LTBP1: variants seen among roughly 807,000 people sequenced by gnomAD.
The protein encoded by LTBP1 is latent transforming growth factor beta binding protein 1.
LTBP1 carries 129 observed loss-of-function variants against 207.6 expected under a neutral mutation model. That is an observed-to-expected ratio of 0.62 (90% CI 0.54 to 0.72). LTBP1 has a LOEUF of 0.72. Ranked by LOEUF, LTBP1 falls within the 30% of genes least tolerant of loss-of-function variation. LTBP1 has a pLI of 0.00. For synonymous variants in LTBP1, 963 were observed against 833.7 expected (o/e 1.16, Z -2.67); for missense variants, 2,281 against 2,217.2 (o/e 1.03, Z -0.58).
chr2:33,036,041 T>G (rs1350377724), intron 3 of LTBP1, among the ~76,000 whole-genome samples: 1 of 152,256 alleles, frequency 6.6e-6, no homozygotes, highest in Non-Finnish European at 1.5e-5. Context: ...CTGTTTAGTT[T>G]TTGACTTTTA....
In LTBP1 at chr2:33,010,086, C is replaced by T. The variant is rs193297842; in HGVS notation, c.566-10823C>T. On this transcript the variant is annotated intron_variant, in intron 2 of 33. Transcript: ENST00000404816. ...GTGAAGTGGGAGAAGGCTGGCAGGG[C>T]GTGGTGGCTCAGCAGCCATGGGGGG... 4.5e-4 allele frequency among the ~76,000 whole-genome samples: 68 copies of T among 152,036 alleles called. No homozygotes were observed. In the East Asian group the frequency reaches 9.5e-3, roughly 21 times the overall value.
At chr2:33,047,861 C>T (rs141675349) in intron 3 of LTBP1, among the ~76,000 whole-genome samples, 14,323 of 152,068 alleles carry the variant, frequency 0.094, 898 homozygotes, top group Non-Finnish European at 0.14. Flanking sequence ...CCCTTTACCA[C>T]TATGTAATGC....
intron 3 of LTBP1, among the ~76,000 whole-genome samples, chr2:33,053,760 T>G (rs2076858117): frequency 1.3e-5 from 2 of 152,242 alleles, no homozygotes; most frequent in African/African-American, 4.8e-5. Context: ...TTTGACCTGC[T>G]GTAGGCAAAG....
intron 2 of LTBP1, 23 bp from the exon 3 acceptor site, chr2:33,020,886 T>A: frequency 6.4e-7 from 1 of 1,550,724 alleles, no homozygotes; most frequent in Non-Finnish European, 8.7e-7. Flanking sequence ...TTCAAAGCTG[T>A]GCCTTCTGTT....
intron 5 of LTBP1, among the ~76,000 whole-genome samples, chr2:33,136,446 A>T (rs138974374): frequency 3.0e-4 from 46 of 152,290 alleles, no homozygotes; most frequent in African/African-American, 1.1e-3. Flanking sequence ...CATCTCTAAG[A>T]TCATATGACT....
intron 18 of LTBP1, among the ~76,000 whole-genome samples, chr2:33,279,444 A>G (rs1214727702): frequency 2.0e-5 from 3 of 152,152 alleles, no homozygotes; most frequent in Admixed American, 6.5e-5. Flanking sequence ...AAATATTACC[A>G]TATGGTCATA....
At chr2:33,209,460 G>A (rs1300133347) in intron 7 of LTBP1, among the ~76,000 whole-genome samples, 4 of 152,080 alleles carry the variant, frequency 2.6e-5, no homozygotes, top group Non-Finnish European at 4.4e-5. Flanking sequence ...ATCATCTGCC[G>A]CTTGAACGTC....
intron 2 of LTBP1, among the ~76,000 whole-genome samples, chr2:32,968,760 G>A (rs1680369545): frequency 7.6e-6 from 1 of 131,112 alleles, no homozygotes; most frequent in Admixed American, 8.1e-5. Flanking sequence ...GTCTTGCTCT[G>A]TTGCCCAGGC....
intron 2 of LTBP1, among the ~76,000 whole-genome samples, chr2:32,957,561 C>G (rs577197588): frequency 2.0e-5 from 3 of 152,118 alleles, no homozygotes; most frequent in South Asian, 4.2e-4. Flanking sequence ...TTTGTGGTGC[C>G]CCAAAACAAT....
chr2:33,162,806 T>C (rs913940120), intron 5 of LTBP1, among the ~76,000 whole-genome samples: 3 of 152,216 alleles, frequency 2.0e-5, no homozygotes, highest in Non-Finnish European at 4.4e-5. Flanking sequence ...AATTGAATTT[T>C]GTAGGAAGGG....
At chr2:33,184,918 C>A (rs1041013120) in intron 5 of LTBP1, among the ~76,000 whole-genome samples, 3 of 151,834 alleles carry the variant, frequency 2.0e-5, no homozygotes, top group Non-Finnish European at 2.9e-5. Flanking sequence ...AGTTGTAATG[C>A]CATAAGATGC....
At chr2:33,081,750 G>A (rs920388847) in intron 3 of LTBP1, among the ~76,000 whole-genome samples, 1 of 152,146 alleles carries the variant, frequency 6.6e-6, no homozygotes, top group African/African-American at 2.4e-5. Flanking sequence ...TATGTCGTGG[G>A]AGGGACCCGG....
rs528813308 is a variant in LTBP1, at chr2:33,280,992, G to C, written c.3112+834G>C. Among the ~76,000 whole-genome samples the C allele has an allele frequency of 2.6e-5, 4 of 152,242 alleles. No individual in the cohort carries two copies. The East Asian group carries it at 7.7e-4, about 29-fold the overall frequency. On this transcript the variant is annotated intron_variant, in intron 19 of 33. Transcript: ENST00000404816. Reference sequence around the variant, plus strand: ...AGGCTGAGGTGGGAGGATCGCTTGAGTCCAGGAGTTCAAGGTTTCAGTGAG... The same window carrying C: ...AGGCTGAGGTGGGAGGATCGCTTGACTCCAGGAGTTCAAGGTTTCAGTGAG...
At chr2:33,263,777 C>T (rs1164674250) in intron 15 of LTBP1, among the ~76,000 whole-genome samples, 2 of 151,386 alleles carry the variant, frequency 1.3e-5, no homozygotes, top group African/African-American at 4.9e-5. Context: ...CATGGCGAAA[C>T]CCCGTCTCTA....
chr2:33,165,066 A>T lies in LTBP1; in HGVS notation c.1202-21790A>T, dbSNP rs1192365283. Among the ~76,000 whole-genome samples the T allele has an allele frequency of 4.6e-5, 7 of 152,308 alleles. No homozygotes were observed. In the East Asian group the frequency reaches 7.7e-4, roughly 17 times the overall value. ...GCGTTAGTATACATCCAGGATAGGG[A>T]GTGTGGTATGTTCCAGAATCACAGA... On this transcript the variant is annotated intron_variant, in intron 5 of 33. Transcript: ENST00000404816.
intron 2 of LTBP1, among the ~76,000 whole-genome samples, chr2:32,962,334 T>G (rs1388041352): frequency 2.0e-5 from 3 of 152,204 alleles, no homozygotes; most frequent in Non-Finnish European, 4.4e-5. Context: ...TTCTTTTATT[T>G]TGAGATAGTG....
At chr2:33,014,582 G>A (rs1688101822) in intron 2 of LTBP1, among the ~76,000 whole-genome samples, 1 of 152,186 alleles carries the variant, frequency 6.6e-6, no homozygotes, top group South Asian at 2.1e-4. Context: ...GGAGAGAAAG[G>A]CAAGGGGCAG....
In LTBP1 at chr2:33,251,688, G is replaced by A. The variant is rs796449218; in HGVS notation, c.2000-989G>A. On this transcript the variant is annotated intron_variant, in intron 10 of 33. Coordinates refer to ENST00000404816, the MANE Select transcript of LTBP1 (RefSeq NM_206943.4). The stretch of plus-strand genomic sequence containing the variant: ...TCAAAAAAAAAAAAAAAAAAAAAAA[G>A]ATGCTAGAGGAATTGGGTAAGGGAA... Among the ~76,000 whole-genome samples, 894 of 118,940 alleles carry A rather than the reference G, an allele frequency of 7.5e-3. 16 individuals carry two copies. The highest frequency in any genetic ancestry group is 0.035 in the African/African-American group (842 of 24,372). The allele number at this position is 118,940 out of a possible 152,430, so 78.0% of individuals were successfully genotyped here.
At chr2:33,070,969 C>T (rs1388647578) in intron 3 of LTBP1, among the ~76,000 whole-genome samples, 1 of 152,218 alleles carries the variant, frequency 6.6e-6, no homozygotes, top group Non-Finnish European at 1.5e-5. Context: ...CAGTGGTTCT[C>T]ACCCTTGCTA....
Sources: gnomAD v4.1 joint callset for allele counts (sites outside exome capture counted in the v4.1 genomes callset) on GRCh38, gnomAD v4.1.1 for gene constraint, MANE v1.5 for transcripts, NCBI Gene and HGNC (gene_info 2026-07-23, HGNC 2026-07-21) for gene names.